The following ARHGAP29 variants were observed in gnomAD, a reference collection of about 807,000 sequenced individuals.
ARHGAP29 encodes rho GTPase-activating protein 29.
A neutral mutation model predicts 122.6 loss-of-function variants in ARHGAP29; 43 were observed. The ratio of observed to expected loss-of-function variants is 0.35; its 90% confidence interval spans 0.27 to 0.45. ARHGAP29 has a LOEUF of 0.45. Ranked by LOEUF, ARHGAP29 falls within the 20% of genes least tolerant of loss-of-function variation. The probability of loss-of-function intolerance (pLI) is 1.00; values close to 1 mark genes in which losing one functional copy is unlikely to be tolerated. For synonymous variants in ARHGAP29, 506 were observed against 497.1 expected, an observed-to-expected ratio of 1.02 and a Z score of -0.24; for missense variants, 1,303 against 1,477.2, an observed-to-expected ratio of 0.88 and a Z score of 1.93.
intron 12 of ARHGAP29, chr1:94,191,371 T>C (rs976929510): frequency 2.6e-5 from 4 of 152,192 alleles, no homozygotes; most frequent in African/African-American, 9.6e-5. Context: ...TCATCTCTCT[T>C]GATATACCAG....
intron 1 of ARHGAP29, among the ~76,000 whole-genome samples, chr1:94,265,562 A>G (rs1485999911): frequency 3.3e-5 from 5 of 152,194 alleles, no homozygotes; most frequent in Admixed American, 6.5e-5. Context: ...GAACTGAAGA[A>G]ACTCTAAGAA....
At chr1:94,299,494 A>T in the ARHGAP29 span, among the ~76,000 whole-genome samples, 1 of 152,190 alleles carries the variant, frequency 6.6e-6, no homozygotes, top group Non-Finnish European at 1.5e-5. Context: ...AATGCGATAA[A>T]CTTTAGAAGA....
chr1:94,197,802 TATG>T (rs1650567763), intron 12 of ARHGAP29, among the ~76,000 whole-genome samples: 2 of 152,294 alleles, frequency 1.3e-5, no homozygotes, highest in Admixed American at 1.3e-4. Flanking sequence ...AACCTTTATT[TATG>T]ATAAAACTCT....
the ARHGAP29 span, among the ~76,000 whole-genome samples, chr1:94,283,409 C>T: frequency 3.9e-5 from 6 of 152,172 alleles, no homozygotes; most frequent in East Asian, 1.9e-4. Context: ...CACTCCTGTC[C>T]CTGACTTCAA....
chr1:94,198,566 G>T (rs922519874), intron 12 of ARHGAP29, among the ~76,000 whole-genome samples: 2 of 152,078 alleles, frequency 1.3e-5, no homozygotes, highest in African/African-American at 4.8e-5. Flanking sequence ...TGTACATATA[G>T]ACCATTCACA....
At chr1:94,307,428 G>T in the ARHGAP29 span, among the ~76,000 whole-genome samples, 7 of 152,074 alleles carry the variant, frequency 4.6e-5, no homozygotes, top group Middle Eastern at 3.4e-3. Context: ...AACTCCAATG[G>T]GATTTTATAA....
the ARHGAP29 span, among the ~76,000 whole-genome samples, chr1:94,310,914 C>T: frequency 6.6e-6 from 1 of 152,126 alleles, no homozygotes; most frequent in East Asian, 1.9e-4. Context: ...CATGTGGGGA[C>T]ATGAACTAGT....
the ARHGAP29 span, among the ~76,000 whole-genome samples, chr1:94,280,683 A>T: frequency 1.3e-5 from 2 of 152,190 alleles, no homozygotes; most frequent in East Asian, 1.9e-4. Flanking sequence ...GAATACATGG[A>T]TGAGAGCCAA....
upstream of ARHGAP29, among the ~76,000 whole-genome samples, chr1:94,240,490 G>A (rs1036756085): frequency 3.9e-5 from 6 of 152,112 alleles, no homozygotes; most frequent in Non-Finnish European, 8.8e-5. Flanking sequence ...ATTAATAGAT[G>A]CAATAATACC....
In ARHGAP29 at chr1:94,259,982, A is replaced by G. The variant is rs191579482; in HGVS notation, c.-33+15030T>C. ...GAAAAGTGTCCTCCCTGCATAATGC[A>G]AAAGTCTCTACGGAGTTTCTGTAGA... On this transcript the variant is annotated intron_variant and NMD_transcript_variant, in intron 1 of 25. Transcript: ENST00000552844. Among the ~76,000 whole-genome samples the G allele has an allele frequency of 1.4e-4, 21 of 152,332 alleles. No individual in the cohort carries two copies. In the East Asian group the frequency reaches 4.1e-3, roughly 29 times the overall value.
At chr1:94,234,875 T>C (rs1570584808) in intron 1 of ARHGAP29, among the ~76,000 whole-genome samples, 2 of 152,332 alleles carry the variant, frequency 1.3e-5, no homozygotes, top group Non-Finnish European at 2.9e-5. Flanking sequence ...TCACTGTCAC[T>C]GGTAAAGATG....
intron 2 of ARHGAP29, among the ~76,000 whole-genome samples, chr1:94,230,664 C>A (rs1652869467): frequency 6.6e-6 from 1 of 151,702 alleles, no homozygotes; most frequent in Non-Finnish European, 1.5e-5. Context: ...TGAGAATCTT[C>A]ATTTTTATAT....
chr1:94,308,410 T>C, the ARHGAP29 span, among the ~76,000 whole-genome samples: 1 of 152,186 alleles, frequency 6.6e-6, no homozygotes, highest in African/African-American at 2.4e-5. Flanking sequence ...CAGTCTCTGA[T>C]TACAATTTGT....
intron 3 of ARHGAP29, among the ~76,000 whole-genome samples, chr1:94,217,961 TACATTTATAGGTTTTAAAGC>T (rs1652054798): frequency 6.6e-6 from 1 of 152,128 alleles, no homozygotes; most frequent in African/African-American, 2.4e-5. Flanking sequence ...GCTACTACTG[TACATTTATAGGTTTTAAAGC>T]ACTTAGACTG....
At chr1:94,274,494 C>A (rs6419495) in intron 1 of ARHGAP29, among the ~76,000 whole-genome samples, 151,926 of 152,366 alleles carry the variant, frequency 1, 75,748 homozygotes, top group Middle Eastern at 1. Flanking sequence ...AAACTTATTC[C>A]TTCAGCAAAT....
chr1:94,251,260 T>A (rs535884695), intron 1 of ARHGAP29, among the ~76,000 whole-genome samples: 3 of 150,584 alleles, frequency 2.0e-5, no homozygotes, highest in African/African-American at 7.3e-5. Flanking sequence ...AAGCTCCACC[T>A]CCCGGGTTCA....
intron 1 of ARHGAP29, among the ~76,000 whole-genome samples, chr1:94,264,065 G>C (rs551316593): frequency 2.4e-4 from 36 of 152,232 alleles, no homozygotes; most frequent in South Asian, 1.2e-3. Flanking sequence ...TGGGTCAAAG[G>C]CTGGGTATAT....
intron 4 of ARHGAP29, 42 bp from the exon 5 acceptor site, chr1:94,208,946 T>C: frequency 6.4e-7 from 1 of 1,553,596 alleles, no homozygotes; most frequent in South Asian, 1.1e-5. Context: ...GTCATTATAC[T>C]TCTTTGTGAC....
At chr1:94,233,976 TCTC>T (rs1653096981) in intron 1 of ARHGAP29, among the ~76,000 whole-genome samples, 1 of 152,156 alleles carries the variant, frequency 6.6e-6, no homozygotes, top group Non-Finnish European at 1.5e-5. Flanking sequence ...GAATATTCCT[TCTC>T]CTTTGTTTAC....
Sources: allele counts gnomAD v4.1 joint callset (sites outside exome capture counted in the v4.1 genomes callset), GRCh38; gene constraint gnomAD v4.1.1; transcripts MANE v1.5; gene names NCBI Gene and HGNC (gene_info 2026-07-23, HGNC 2026-07-21).